GABRB3: variants seen among roughly 807,000 people sequenced by gnomAD.
GABRB3 encodes gamma-aminobutyric acid receptor subunit beta-3.
A neutral mutation model predicts 52.1 loss-of-function variants in GABRB3; 14 were observed. That is an observed-to-expected ratio of 0.27 (90% CI 0.18 to 0.42). The LOEUF is 0.42. GABRB3 is among the 10% of genes least tolerant of loss of function. The pLI, the probability that GABRB3 is intolerant of heterozygous loss-of-function variation, is 1.00. For synonymous variants in GABRB3, 260 were observed against 232.3 expected, an observed-to-expected ratio of 1.12 and a Z score of -1.08; for missense variants, 307 against 609.1, an observed-to-expected ratio of 0.50 and a Z score of 5.22.
chr15:26,607,835 AC>A (rs796412484), intron 4 of GABRB3, among the ~76,000 whole-genome samples: 69 of 152,216 alleles, frequency 4.5e-4, no homozygotes, highest in African/African-American at 1.6e-3. Flanking sequence ...AAAAAAAGAT[AC>A]AAATGAAATA....
At chr15:26,642,273 G>C (rs28503535) in intron 3 of GABRB3, among the ~76,000 whole-genome samples, 2,892 of 152,248 alleles carry the variant, frequency 0.019, 80 homozygotes, top group African/African-American at 0.064. Context: ...GTCAAAAATA[G>C]AGGATCAACT....
rs899824567 is a variant in GABRB3, at chr15:26,738,876, C to A, written c.240+33526G>T. 5.9e-5 allele frequency among the ~76,000 whole-genome samples: 9 copies of A among 152,030 alleles called. No individual in the cohort carries two copies. The South Asian group carries it at 6.2e-4, about 11-fold the overall frequency. On this transcript the variant is annotated intron_variant, in intron 3 of 8. Transcript: ENST00000311550. ...GCCATATATCTTAATAAAACAGAAA[C>A]AATTACATAACAGAGGAAGAGAAAG...
At chr15:26,734,301 G>T (rs1487820707) in intron 3 of GABRB3, among the ~76,000 whole-genome samples, 1 of 151,912 alleles carries the variant, frequency 6.6e-6, no homozygotes, top group Non-Finnish European at 1.5e-5. Context: ...AAAGTCCTGG[G>T]ATTACAGGCA....
In GABRB3 at chr15:26,611,479, C is replaced by T. The variant is rs143816031; in HGVS notation, c.461+9835G>A. Among the ~76,000 whole-genome samples, 728 of 152,172 alleles carry T rather than the reference C, an allele frequency of 4.8e-3. 14 individuals carry two copies. In the South Asian group the frequency reaches 0.066, roughly 14 times the overall value. ...AGTGAATAATTTTGTATATAAAATA[C>T]GCCAAAGAAGATGTGTACTTATTGA... On this transcript the variant is annotated intron_variant, in intron 4 of 8. Coordinates refer to ENST00000311550, the MANE Select transcript of GABRB3 (RefSeq NM_000814.6).
At position 26,544,451 on chromosome 15, in the gene GABRB3, T is replaced by TA. The variant is rs1479012304; in HGVS notation, c.*3341dup. 1 of 152,466 alleles carries TA rather than the reference T, an allele frequency of 6.6e-6. No individual in the cohort carries two copies. The highest frequency in any genetic ancestry group is 2.4e-5 in the African/African-American group (1 of 41,446). 9.4% of individuals were successfully genotyped at this position (152,466 alleles called of 1,614,324 possible). On this transcript the variant is annotated 3_prime_UTR_variant, in exon 9 of 9. Transcript: ENST00000311550. Reference sequence around the variant, plus strand: ...ATGTCAAAGTTCTGGGTGCTGGCGTTAAAAACACAATATTGCAGATGTACA... The same window carrying TA: ...ATGTCAAAGTTCTGGGTGCTGGCGTTAAAAAACACAATATTGCAGATGTACA...
intron 3 of GABRB3, among the ~76,000 whole-genome samples, chr15:26,694,344 T>A (rs1888672711): frequency 6.6e-6 from 1 of 152,160 alleles, no homozygotes; most frequent in Non-Finnish European, 1.5e-5. Context: ...TGTGACCTAA[T>A]CACAGAAATA....
At chr15:26,697,584 A>T (rs1364840911) in intron 3 of GABRB3, among the ~76,000 whole-genome samples, 2 of 152,098 alleles carry the variant, frequency 1.3e-5, no homozygotes, top group Non-Finnish European at 2.9e-5. Flanking sequence ...GGGAGCACAT[A>T]TGCCAGTCCA....
At chr15:26,596,388 T>A (rs972004850) in intron 4 of GABRB3, among the ~76,000 whole-genome samples, 1 of 152,220 alleles carries the variant, frequency 6.6e-6, no homozygotes, top group East Asian at 1.9e-4. Flanking sequence ...AAAAATGACA[T>A]CTTCCTGAAA....
chr15:26,554,157 TAAAG>T (rs1567097316), intron 8 of GABRB3, among the ~76,000 whole-genome samples: 92 of 35,680 alleles, frequency 2.6e-3, no homozygotes, highest in Admixed American at 4.4e-3. Flanking sequence ...TATATATATA[TAAAG>T]TATATATATA....
intron 3 of GABRB3, among the ~76,000 whole-genome samples, chr15:26,716,119 A>G (rs1017036130): frequency 1.3e-5 from 2 of 152,232 alleles, no homozygotes; most frequent in Non-Finnish European, 2.9e-5. Flanking sequence ...AGGGAAACAA[A>G]CAGAAAAGTC....
At chr15:26,653,847 C>T (rs1846448567) in intron 3 of GABRB3, among the ~76,000 whole-genome samples, 1 of 152,154 alleles carries the variant, frequency 6.6e-6, no homozygotes, top group East Asian at 1.9e-4. Flanking sequence ...CATGTAGAAA[C>T]TGAGAAGGAA....
intron 3 of GABRB3, among the ~76,000 whole-genome samples, chr15:26,711,431 C>A (rs748927432): frequency 3.3e-5 from 5 of 150,342 alleles, no homozygotes; most frequent in Non-Finnish European, 7.4e-5. Context: ...AGCTTCGTGA[C>A]GGATGTGGCA....
chr15:26,721,795 T>C (rs1307908491), intron 3 of GABRB3, among the ~76,000 whole-genome samples: 1 of 151,866 alleles, frequency 6.6e-6, no homozygotes, highest in Non-Finnish European at 1.5e-5. Flanking sequence ...CACGGCTGCC[T>C]GGTGAGTCAG....
chr15:26,620,008 T>C (rs1784120506), intron 4 of GABRB3, among the ~76,000 whole-genome samples: 1 of 152,134 alleles, frequency 6.6e-6, no homozygotes, highest in Middle Eastern at 3.2e-3. Context: ...TCACTTTAGT[T>C]TTTTTGGGTG....
At chr15:26,602,950 C>T (rs1232680885) in intron 4 of GABRB3, among the ~76,000 whole-genome samples, 1 of 151,172 alleles carries the variant, frequency 6.6e-6, no homozygotes, top group Admixed American at 6.6e-5. Context: ...ATGAAGAAAG[C>T]AATACAAAAG....
chr15:26,555,610 G>C (rs966475394), intron 8 of GABRB3, among the ~76,000 whole-genome samples: 4 of 152,122 alleles, frequency 2.6e-5, no homozygotes, highest in Non-Finnish European at 4.4e-5. Context: ...AGTGCTCTTG[G>C]GGGCTTTGGA....
At chr15:26,639,417 AC>A (rs1425471585) in intron 3 of GABRB3, among the ~76,000 whole-genome samples, 2 of 152,074 alleles carry the variant, frequency 1.3e-5, no homozygotes, top group Admixed American at 1.3e-4. Flanking sequence ...CCTAAACAAT[AC>A]AGTATAGCAA....
intron 7 of GABRB3, among the ~76,000 whole-genome samples, chr15:26,564,567 C>T (rs528776800): frequency 6.6e-6 from 1 of 152,216 alleles, no homozygotes; most frequent in Non-Finnish European, 1.5e-5. Context: ...GCAGAGGCAG[C>T]ACCTTTATCA....
intron 3 of GABRB3, among the ~76,000 whole-genome samples, chr15:26,727,480 T>C (rs1172018265): frequency 1.3e-5 from 2 of 152,214 alleles, no homozygotes; most frequent in Admixed American, 1.3e-4. Context: ...TGTTCTATGC[T>C]GTTTCAATAG....
Sources: allele counts gnomAD v4.1 joint callset (sites outside exome capture counted in the v4.1 genomes callset), GRCh38; gene constraint gnomAD v4.1.1; transcripts MANE v1.5; gene names NCBI Gene and HGNC (gene_info 2026-07-23, HGNC 2026-07-21).